ST8SIA3: variants seen among roughly 807,000 people sequenced by gnomAD.
ST8SIA3 encodes ST8 alpha-N-acetyl-neuraminide alpha-2,8-sialyltransferase 3.
In ST8SIA3, 17 loss-of-function variants were observed where a neutral mutation model predicts 34.5. The ratio of observed to expected loss-of-function variants is 0.49; its 90% CI spans 0.34 to 0.74. The LOEUF (loss-of-function observed/expected upper bound fraction) is 0.74, where lower values mean the gene tolerates loss of function less well. ST8SIA3 is among the 30% of genes least tolerant of loss of function. The pLI is 0.01. For synonymous variants in ST8SIA3, 172 were observed against 176.1 expected, an observed-to-expected ratio of 0.98 and a Z score of 0.19; for missense variants, 354 against 467.8, an observed-to-expected ratio of 0.76 and a Z score of 2.24.
intron 3 of ST8SIA3, 39 bp from the exon 4 acceptor site, chr18:57,359,956 C>G: frequency 6.3e-7 from 1 of 1,580,166 alleles, no homozygotes; most frequent in Admixed American, 1.7e-5. Flanking sequence ...AAACTTTCAA[C>G]GCTGACCTCT....
chr18:57,367,395 A>T lies in ST8SIA3; in HGVS notation c.*7118A>T, dbSNP rs951213116. On this transcript the variant is annotated 3_prime_UTR_variant, in exon 4 of 4. Transcript: ENST00000324000. ...GTCAGGTGCATGTTCAGATGTCTGT[A>T]TTCCCAATACATTGCATGCAGCCTG... 6.6e-6 allele frequency: 1 copy of T among 152,616 alleles called. No individual in the cohort carries two copies. The highest frequency in any genetic ancestry group is 1.5e-5 in the Non-Finnish European group (1 of 68,040). 9.5% of individuals were successfully genotyped at this position (152,616 alleles called of 1,614,324 possible).
Position 57,356,816 on chromosome 18 carries a change from C to T in ST8SIA3, c.303-97C>T, listed in dbSNP as rs2049800206. 3.7e-6 allele frequency: 3 copies of T among 810,320 alleles called. 1 individual carries two copies. The highest frequency in any genetic ancestry group is 5.6e-5 in the Admixed American group (2 of 35,728). The allele number at this position is 810,320 out of a possible 1,614,324, so 50.2% of individuals were successfully genotyped here. Reference sequence around the variant, plus strand: ...ATAATCTTTTTTGGATTCAATGAGCCTAAGATTCCCTCTGAATGAAATGTC... The same window carrying T: ...ATAATCTTTTTTGGATTCAATGAGCTTAAGATTCCCTCTGAATGAAATGTC... On this transcript the variant is annotated intron_variant, in intron 2 of 3. Transcript: ENST00000324000.
intron 2 of ST8SIA3, among the ~76,000 whole-genome samples, chr18:57,356,556 T>C (rs1423813842): frequency 2.0e-5 from 3 of 152,232 alleles, no homozygotes; most frequent in Admixed American, 2.0e-4. Flanking sequence ...TAATGTGAGC[T>C]CTTTCAGGCC....
In ST8SIA3 at chr18:57,365,622, T is replaced by C. The variant is rs1376538995; in HGVS notation, c.*5345T>C. Reference sequence around the variant, plus strand: ...GAAGTCATTCCCAGAGCCTAAAATATTTATCTAAGGGGTCTGATTTATCAA... The same window carrying C: ...GAAGTCATTCCCAGAGCCTAAAATACTTATCTAAGGGGTCTGATTTATCAA... On this transcript the variant is annotated 3_prime_UTR_variant, in exon 4 of 4. Coordinates refer to ENST00000324000, the MANE Select transcript of ST8SIA3 (RefSeq NM_015879.3). The C allele has an allele frequency of 1.3e-5, 2 of 152,174 alleles. No individual in the cohort carries two copies. Among genetic ancestry groups the C allele is most frequent in the Non-Finnish European group, 2.9e-5 (2 of 68,022 alleles). The allele number at this position is 152,174 out of a possible 1,614,324, so 9.4% of individuals were successfully genotyped here. A position where few individuals can be genotyped will look rare whatever the true frequency, so the allele number is the denominator to read the frequency against.
In ST8SIA3 at chr18:57,352,893, T is replaced by A. The variant is rs770874167; in HGVS notation, c.47T>A (p.Val16Asp). The change falls in exon 1 of 4, where the codon GTC (valine) becomes GAC (aspartate). Residue 16 changes from valine to aspartate, a missense_variant. Transcript: ENST00000324000. Reference sequence around the variant, plus strand: ...CGGGTCGCCAGTGTGCTGGGGCTGGTCATGCTCAGCGTCGCCCTGCTGATT... The same window carrying A: ...CGGGTCGCCAGTGTGCTGGGGCTGGACATGCTCAGCGTCGCCCTGCTGATT... ...MARVASVLGL[V>D]MLSVALLILS... 3 of 1,613,644 alleles carry A rather than the reference T, an allele frequency of 1.9e-6. No individual in the cohort carries two copies. Among genetic ancestry groups the A allele is most frequent in the Non-Finnish European group, 2.5e-6 (3 of 1,179,940 alleles).
Position 57,362,559 on chromosome 18 carries a change from A to AT in ST8SIA3, c.*2288dup, listed in dbSNP as rs2049837628. The AT allele has an allele frequency of 6.6e-6, 1 of 152,022 alleles. No homozygotes were observed. The highest frequency in any genetic ancestry group is 6.6e-5 in the Admixed American group (1 of 15,262). The allele number at this position is 152,022 out of a possible 1,614,324, so 9.4% of individuals were successfully genotyped here. ...TTGTTTGTTTTTTAAGTTCAGGGAG[A>AT]TTTTTTAAATCTCCTTGCAGTCTTG... On this transcript the variant is annotated 3_prime_UTR_variant, in exon 4 of 4. Transcript: ENST00000324000.
chr18:57,357,507 C>T (rs1343296093), intron 3 of ST8SIA3, 37 bp downstream of exon 3: 6 of 1,504,498 alleles, frequency 4.0e-6, no homozygotes, highest in Non-Finnish European at 5.5e-6. Context: ...CATACTCCAC[C>T]AGATGGCAAA....
At chr18:57,356,701 T>C (rs2049799455) in intron 2 of ST8SIA3, among the ~76,000 whole-genome samples, 1 of 152,208 alleles carries the variant, frequency 6.6e-6, no homozygotes, top group South Asian at 2.1e-4. Context: ...TTTACAAGCC[T>C]CAAAGAATAC....
chr18:57,366,464 T>C lies in ST8SIA3; in HGVS notation c.*6187T>C, dbSNP rs189199205. On this transcript the variant is annotated 3_prime_UTR_variant, in exon 4 of 4. Transcript: ENST00000324000. ...TGTTTGGCTGATCTTTTTTAAAAAATCTATACCTATAGTTCATCACTTGTT... is the reference window on the plus strand; with the variant it reads ...TGTTTGGCTGATCTTTTTTAAAAAACCTATACCTATAGTTCATCACTTGTT... 20 of 152,528 alleles carry C rather than the reference T, an allele frequency of 1.3e-4. No individual in the cohort carries two copies. Among genetic ancestry groups the C allele is most frequent in the African/African-American group, 4.3e-4 (18 of 41,568 alleles). The allele number at this position is 152,528 out of a possible 1,614,324, so 9.4% of individuals were successfully genotyped here.
chr18:57,356,912 G>T lies in ST8SIA3; in HGVS notation c.303-1G>T. ...TTTTCATGAATTTCTTTTTATTTTA[G>T]GCAAGAAATTCTTCAGCATGTCGAT... On this transcript the variant is annotated splice_acceptor_variant, in intron 2 of 3. Transcript: ENST00000324000. LOFTEE classifies it high-confidence loss of function. The T allele has an allele frequency of 1.3e-6, 2 of 1,568,888 alleles. No individual in the cohort carries two copies. Among genetic ancestry groups the T allele is most frequent in the South Asian group, 1.2e-5 (1 of 85,734 alleles).
chr18:57,352,676 G>A lies in ST8SIA3; in HGVS notation c.-171G>A, dbSNP rs1054822522. On this transcript the variant is annotated 5_prime_UTR_variant, in exon 1 of 4. Transcript: ENST00000324000. ...CCTGCCAGCCCCAACCCCCGGCCCCGGTGGCCTCCCCCCACCCCCGCCCGG... is the reference window on the plus strand; with the variant it reads ...CCTGCCAGCCCCAACCCCCGGCCCCAGTGGCCTCCCCCCACCCCCGCCCGG... 4 of 187,580 alleles carry A rather than the reference G, an allele frequency of 2.1e-5. No individual in the cohort carries two copies. Among genetic ancestry groups the A allele is most frequent in the Non-Finnish European group, 3.1e-5 (3 of 95,930 alleles). 11.6% of individuals were successfully genotyped at this position (187,580 alleles called of 1,614,324 possible).
At position 57,362,109 on chromosome 18, in the gene ST8SIA3, TTACAA is replaced by T. The variant is rs1411396299; in HGVS notation, c.*1835_*1839del. On this transcript the variant is annotated 3_prime_UTR_variant, in exon 4 of 4. Coordinates refer to ENST00000324000, the MANE Select transcript of ST8SIA3 (RefSeq NM_015879.3). ...AATGTGTTACCAATTATGACACACA[TTACAA>T]TATAATTATAAGGGGAGACATTAAA... The T allele has an allele frequency of 3.9e-5, 6 of 152,212 alleles. No individual in the cohort carries two copies. Among genetic ancestry groups the T allele is most frequent in the Admixed American group, 3.9e-4 (6 of 15,282 alleles). The allele number at this position is 152,212 out of a possible 1,614,324, so 9.4% of individuals were successfully genotyped here.
intron 2 of ST8SIA3, among the ~76,000 whole-genome samples, chr18:57,355,546 A>G (rs924130845): frequency 6.6e-6 from 1 of 152,188 alleles, no homozygotes; most frequent in African/African-American, 2.4e-5. Flanking sequence ...AAAAACACTT[A>G]TGTTTAATTA....
Position 57,357,440 on chromosome 18 carries a change from G to T in ST8SIA3, c.830G>T (p.Trp277Leu), listed in dbSNP as rs1598902782. The T allele has an allele frequency of 6.2e-7, 1 of 1,612,346 alleles. No individual in the cohort carries two copies. Among genetic ancestry groups the T allele is most frequent in the Non-Finnish European group, 8.5e-7 (1 of 1,179,756 alleles). The change falls in exon 3 of 4, where the codon TGG (tryptophan) becomes TTG (leucine). Residue 277 changes from tryptophan (W) to leucine (L), a missense_variant. Trp to Leu is a moderately conservative substitution (Grantham distance 61, BLOSUM62 -2). This residue lies in a region of ST8SIA3 where 166 missense variants were observed against 245.2 expected (regional missense o/e 0.68). Transcript: ENST00000324000. ...HRGQLKVQLAWPGNIMQHVNR... is the reference protein window; with the variant it reads ...HRGQLKVQLALPGNIMQHVNR... The stretch of plus-strand genomic sequence containing the variant: ...GGTCAGTTAAAAGTCCAACTGGCTT[G>T]GCCGGGAAATATAATGCAACATGTC...
chr18:57,353,437 GGGCGGTGCT>G (rs1226205335), intron 1 of ST8SIA3, among the ~76,000 whole-genome samples: 1 of 152,078 alleles, frequency 6.6e-6, no homozygotes, highest in Non-Finnish European at 1.5e-5. Context: ...GCCGGGCCCG[GGGCGGTGCT>G]GGCGGTTTAA....
chr18:57,357,563 T>A, intron 3 of ST8SIA3, 93 bp downstream of exon 3: 1 of 1,004,268 alleles, frequency 1.0e-6, no homozygotes, highest in Non-Finnish European at 1.5e-6. Flanking sequence ...AATTCATTAG[T>A]TGTTGTGGTG....
Position 57,366,692 on chromosome 18 carries a change from C to T in ST8SIA3, c.*6415C>T, listed in dbSNP as rs927159157. ...ACCAGGGGACACCCAGTAAACATCA[C>T]GCTGAGAGTTTAAGTTGCACTCAAC... On this transcript the variant is annotated 3_prime_UTR_variant, in exon 4 of 4. Coordinates refer to ENST00000324000, the MANE Select transcript of ST8SIA3 (RefSeq NM_015879.3). The T allele has an allele frequency of 7.2e-5, 11 of 152,334 alleles. No individual in the cohort carries two copies. The highest frequency in any genetic ancestry group is 2.1e-4 in the South Asian group (1 of 4,822). The allele number at this position is 152,334 out of a possible 1,614,324, so 9.4% of individuals were successfully genotyped here.
intron 1 of ST8SIA3, among the ~76,000 whole-genome samples, chr18:57,353,484 CCCT>C (rs1020743721): frequency 2.8e-4 from 42 of 152,144 alleles, no homozygotes; most frequent in Non-Finnish European, 8.8e-5. Context: ...TCCCCTCGCG[CCCT>C]CCTCCTTTAC....
Position 57,352,963 on chromosome 18 carries a change from C to G in ST8SIA3, c.117C>G (p.Phe39Leu). ...TGTCCCTGAAAAAGGAGAACATCTTCACCACTCCCAAGTACGCCAGCCCGG... is the reference window on the plus strand; with the variant it reads ...TGTCCCTGAAAAAGGAGAACATCTTGACCACTCCCAAGTACGCCAGCCCGG... ...SYVSLKKENI[F>L]TTPKYASPGA... Residue 39 changes from phenylalanine (F) to leucine (L), a missense_variant, in exon 1 of 4, where the codon TTC becomes TTG. Phe to Leu is a conservative substitution (Grantham distance 22, BLOSUM62 0). Transcript: ENST00000324000. 1 of 1,613,198 alleles carries G rather than the reference C, an allele frequency of 6.2e-7. No homozygotes were observed. Among genetic ancestry groups the G allele is most frequent in the Non-Finnish European group, 8.5e-7 (1 of 1,179,962 alleles).
Sources: allele counts gnomAD v4.1 joint callset (sites outside exome capture counted in the v4.1 genomes callset), GRCh38; gene constraint gnomAD v4.1.1; regional missense constraint gnomAD v4.1.1; transcripts MANE v1.5; gene names NCBI Gene and HGNC (gene_info 2026-07-23, HGNC 2026-07-21).